Variants in ABCC5 observed in about 807,000 individuals in gnomAD.
ABCC5 encodes ATP-binding cassette sub-family C member 5.
ABCC5 carries 61 observed loss-of-function variants against 160.9 expected under a neutral mutation model. The observed-to-expected ratio is 0.38, with a 90% CI of 0.31 to 0.47. The LOEUF is 0.47. ABCC5 is among the 20% of genes least tolerant of loss of function. The probability of loss-of-function intolerance (pLI) is 0.99; values close to 1 mark genes in which losing one functional copy is unlikely to be tolerated. For missense variants in ABCC5, 1,308 were observed against 1,813.3 expected, an observed-to-expected ratio of 0.72 and a Z score of 5.06; for synonymous variants, 666 against 700.6, an observed-to-expected ratio of 0.95 and a Z score of 0.78.
intron 2 of ABCC5, among the ~76,000 whole-genome samples, chr3:183,998,815 C>T (rs536501771): frequency 2.0e-5 from 3 of 152,208 alleles, no homozygotes; most frequent in East Asian, 1.9e-4. Flanking sequence ...CAGGGCCAGG[C>T]GTAGTGGCTC....
chr3:183,980,676 A>G (rs1230747093), intron 8 of ABCC5, among the ~76,000 whole-genome samples: 3 of 152,012 alleles, frequency 2.0e-5, no homozygotes, highest in Non-Finnish European at 2.9e-5. Flanking sequence ...TACTCAATGA[A>G]AGGAAAACAA....
intron 25 of ABCC5, among the ~76,000 whole-genome samples, chr3:183,939,716 A>G (rs955055537): frequency 5.3e-5 from 8 of 152,346 alleles, no homozygotes; most frequent in African/African-American, 1.4e-4. Context: ...TGCTCTCTCT[A>G]CAGAGCCAAA....
At chr3:183,969,968 C>G (rs1717584839) in intron 11 of ABCC5, among the ~76,000 whole-genome samples, 1 of 152,218 alleles carries the variant, frequency 6.6e-6, no homozygotes, top group Non-Finnish European at 1.5e-5. Flanking sequence ...CACCAGCAAC[C>G]TTGATCTAAG....
In ABCC5 at chr3:183,963,311, C is replaced by A. The variant is rs1267964702; in HGVS notation, c.2235+74G>T. 3.3e-6 allele frequency: 5 copies of A among 1,498,878 alleles called. No individual in the cohort carries two copies. Among genetic ancestry groups the A allele is most frequent in the Non-Finnish European group, 4.6e-6 (5 of 1,076,436 alleles). The allele number at this position is 1,498,878 out of a possible 1,614,324, so 92.8% of individuals were successfully genotyped here. On this transcript the variant is annotated intron_variant, in intron 15 of 29. Transcript: ENST00000334444. This position sits in a 1 kb window ranked among gnomAD's most constrained non-coding sequence, Gnocchi z 4.6. ...AATTTCTAGTTATAACACAAGGATA[C>A]CTGGAGCAAACCTACCTCCCTGTTT...
intron 23 of ABCC5, among the ~76,000 whole-genome samples, chr3:183,946,273 A>AT: frequency 6.6e-6 from 1 of 152,330 alleles, no homozygotes; most frequent in East Asian, 1.9e-4. Context: ...TGGGAGTCAC[A>AT]ACAAATGGAG....
chr3:183,946,582 C>T (rs556812799), intron 23 of ABCC5, among the ~76,000 whole-genome samples: 1 of 152,140 alleles, frequency 6.6e-6, no homozygotes, highest in East Asian at 1.9e-4. Flanking sequence ...ATAATGAACT[C>T]CCAGGTACCA....
rs1222753414 is a variant in ABCC5 at position 183,951,305 on chromosome 3, T to C, written c.2944+136A>G. 1.7e-6 allele frequency: 2 copies of C among 1,161,886 alleles called. No individual in the cohort carries two copies. Among genetic ancestry groups the C allele is most frequent in the Non-Finnish European group, 1.2e-6 (1 of 837,550 alleles). The allele number at this position is 1,161,886 out of a possible 1,614,324, so 72.0% of individuals were successfully genotyped here. On this transcript the variant is annotated intron_variant, in intron 20 of 29. Coordinates refer to ENST00000334444, the MANE Select transcript of ABCC5 (RefSeq NM_005688.4). The surrounding 1 kb of genome is among the most constrained non-coding windows in gnomAD (Gnocchi z 4.7). ...CAAGACAGAAAATGCAGTTGCAATG[T>C]TCCTGGTGAAAACACCAGCAGTCAC... is the stretch of plus-strand genomic sequence containing the variant.
intron 25 of ABCC5, chr3:183,942,325 C>T (rs554643868): frequency 1.1e-5 from 5 of 452,704 alleles, no homozygotes; most frequent in Admixed American, 4.7e-5. Context: ...TGAGCCACTG[C>T]GCCCAGCCTA....
intron 26 of ABCC5, among the ~76,000 whole-genome samples, chr3:183,934,883 A>C (rs995281623): frequency 1.3e-5 from 2 of 152,036 alleles, no homozygotes; most frequent in Admixed American, 1.3e-4. Flanking sequence ...AAATGCTATA[A>C]AATTGTTAAA....
intron 11 of ABCC5, among the ~76,000 whole-genome samples, chr3:183,968,210 C>A (rs537090634): frequency 6.6e-6 from 1 of 152,228 alleles, no homozygotes; most frequent in Admixed American, 6.5e-5. Context: ...CTCACTGCAG[C>A]TTCCGCTTCC....
At chr3:183,962,162 A>T (rs971285071) in intron 15 of ABCC5, among the ~76,000 whole-genome samples, 2 of 152,242 alleles carry the variant, frequency 1.3e-5, no homozygotes, top group Non-Finnish European at 2.9e-5. Context: ...ATCAGAGCTT[A>T]GCCTAGCCTA....
intron 24 of ABCC5, among the ~76,000 whole-genome samples, chr3:183,943,664 G>T (rs968802817): frequency 3.9e-5 from 6 of 152,104 alleles, no homozygotes; most frequent in East Asian, 1.9e-4. Flanking sequence ...GTAGCACTCT[G>T]GGGGGTTAAG....
In ABCC5 at chr3:183,978,630, C is replaced by G; in HGVS notation, c.1169G>C (p.Arg390Pro). The G allele has an allele frequency of 6.2e-7, 1 of 1,613,670 alleles. No homozygotes were observed. The highest frequency in any genetic ancestry group is 8.5e-7 in the Non-Finnish European group (1 of 1,179,906). Residue 390 changes from arginine (R) to proline (P), a missense_variant, in exon 9 of 30, where the codon CGG becomes CCG. Arg to Pro is a moderately radical substitution (Grantham distance 103). Coordinates refer to ENST00000334444, the MANE Select transcript of ABCC5 (RefSeq NM_005688.4). ...GAAGTACCCAGCTTTTTCCAATATCCGACGCTCCTCCTCGCGGATTTCTAT... is the reference window on the plus strand; with the variant it reads ...GAAGTACCCAGCTTTTTCCAATATCGGACGCTCCTCCTCGCGGATTTCTAT... Reference protein sequence around the residue: ...SVQKIREEERRILEKAGYFQS... With the variant: ...SVQKIREEERPILEKAGYFQS...
At chr3:183,965,820 G>A (rs758220577) in intron 12 of ABCC5, among the ~76,000 whole-genome samples, 5 of 152,138 alleles carry the variant, frequency 3.3e-5, no homozygotes, top group Non-Finnish European at 7.3e-5. Flanking sequence ...AATTCTCCTG[G>A]AGAGGATGCT....
At position 184,017,061 on chromosome 3, in the gene ABCC5, G is replaced by A. The variant is rs1722249860; in HGVS notation, c.-56+769C>T. Among the ~76,000 whole-genome samples the A allele has an allele frequency of 6.6e-6, 1 of 152,212 alleles. No homozygotes were observed. Among genetic ancestry groups the A allele is most frequent in the African/African-American group, 2.4e-5 (1 of 41,542 alleles). On this transcript the variant is annotated intron_variant, in intron 1 of 29. Coordinates refer to ENST00000334444, the MANE Select transcript of ABCC5 (RefSeq NM_005688.4). This position sits in a 1 kb window ranked among gnomAD's most constrained non-coding sequence, Gnocchi z 4.5. Reference sequence around the variant, plus strand: ...CCAAGCAGCCTCACCTTTCATACACGCTGCGGACCACAGTAAAACCTAGCC... The same window carrying A: ...CCAAGCAGCCTCACCTTTCATACACACTGCGGACCACAGTAAAACCTAGCC...
rs759349553 is a variant in ABCC5, at chr3:183,951,860, G to A, written c.2811C>T (p.Val937=). 1.9e-6 allele frequency: 3 copies of A among 1,613,332 alleles called. No homozygotes were observed. Among genetic ancestry groups the A allele is most frequent in the Non-Finnish European group, 2.5e-6 (3 of 1,179,704 alleles). ...ILKAIRGVVF[V]KGTLRASSRL... ...GAGACCACCCACCAATGCATACCTT[G>A]ACAAAGACAACTCCTCGAATGGCTT... The change falls in exon 19 of 30, where the codon GTC becomes GTT. Residue 937 remains valine, a synonymous_variant. Transcript: ENST00000334444. This position sits in a 1 kb window ranked among gnomAD's most constrained non-coding sequence, Gnocchi z 4.7.
At chr3:184,000,576 C>T (rs956853071) in intron 2 of ABCC5, 1 of 152,054 alleles carries the variant, frequency 6.6e-6, no homozygotes, top group African/African-American at 2.4e-5. Flanking sequence ...AAGATACAAC[C>T]ACATAAGCCT....
rs28365024 is a variant in ABCC5, at chr3:183,937,821, C to T, written c.3854+80G>A. The T allele has an allele frequency of 1.0e-3, 1,498 of 1,471,882 alleles. 7 individuals carry two copies. The highest frequency in any genetic ancestry group is 3.7e-3 in the South Asian group (298 of 79,570). The allele number at this position is 1,471,882 out of a possible 1,614,324, so 91.2% of individuals were successfully genotyped here. A position where few individuals can be genotyped will look rare whatever the true frequency, so the allele number is the denominator to read the frequency against. On this transcript the variant is annotated intron_variant, in intron 26 of 29. Coordinates refer to ENST00000334444, the MANE Select transcript of ABCC5 (RefSeq NM_005688.4). ...ATGGTGAGCTCATGGTCCCAGGGGG[C>T]GGTGCTAGCATCATGTGGTCCCACA...
In ABCC5 at chr3:183,982,955, AG is replaced by A; in HGVS notation, c.643del (p.Leu215CysfsTer7). On this transcript the variant is annotated frameshift_variant, in exon 6 of 30. Coordinates refer to ENST00000334444, the MANE Select transcript of ABCC5 (RefSeq NM_005688.4). LOFTEE classifies it high-confidence loss of function. This position sits in a 1 kb window ranked among gnomAD's most constrained non-coding sequence, Gnocchi z 5.2. ...CAGCACTAACAACAAGCTGTACTGC[AG>A]GTTAGACTCTGTTGCCTGGGTATAC... ...LEYTQATESN[L>X]QYSLLLVLGL... The A allele has an allele frequency of 6.2e-7, 1 of 1,614,246 alleles. No individual in the cohort carries two copies. The highest frequency in any genetic ancestry group is 2.2e-5 in the East Asian group (1 of 44,884).
Sources: allele counts gnomAD v4.1 joint callset (sites outside exome capture counted in the v4.1 genomes callset), GRCh38; gene constraint gnomAD v4.1.1; non-coding constraint Gnocchi (gnomAD v3.1); transcripts MANE v1.5; gene names NCBI Gene and HGNC (gene_info 2026-07-23, HGNC 2026-07-21).